The following ABI3BP variants were observed in gnomAD, a reference collection of about 807,000 sequenced individuals.
The protein encoded by ABI3BP is ABI family member 3 binding protein.
In ABI3BP, 216 loss-of-function variants were observed where a neutral mutation model predicts 268.6. The observed-to-expected ratio is 0.80, with a 90% CI of 0.72 to 0.90. The LOEUF is 0.90. Among genes scored for constraint, ABI3BP ranks in the 40% least tolerant of loss-of-function variants. The pLI is 0.00. For missense variants in ABI3BP, 2,090 were observed against 2,182.4 expected (o/e 0.96, Z 0.84); for synonymous variants, 730 against 730.0 (o/e 1.00, Z 0.00).
Position 100,821,167 on chromosome 3 carries a change from C to T in ABI3BP, c.2888-54G>A, listed in dbSNP as rs922115652. On this transcript the variant is annotated intron_variant, in intron 38 of 67. Transcript: ENST00000471714. The stretch of plus-strand genomic sequence containing the variant: ...TGATTATTTTAAATGAATGTAAACT[C>T]AAAACTTTTCTTCAAAAATGAGTCT... 5.5e-6 allele frequency: 8 copies of T among 1,448,418 alleles called. No individual in the cohort carries two copies. In the South Asian group the frequency reaches 7.3e-5, roughly 13 times the overall value. 89.7% of individuals were successfully genotyped at this position (1,448,418 alleles called of 1,614,324 possible).
chr3:100,782,554 G>A (rs1369604078), intron 57 of ABI3BP, among the ~76,000 whole-genome samples: 1 of 152,140 alleles, frequency 6.6e-6, no homozygotes, highest in Admixed American at 6.5e-5. Flanking sequence ...AAAGGCAGCT[G>A]TGTGGCTCGG....
intron 17 of ABI3BP, 32 bp from the exon 18 acceptor site, chr3:100,848,907 T>C (rs1329592812): frequency 6.3e-7 from 1 of 1,594,990 alleles, no homozygotes; most frequent in East Asian, 2.2e-5. Context: ...CTTTGATAAA[T>C]GATATTTTTC....
At chr3:100,870,612 G>A (rs1272521373) in intron 9 of ABI3BP, among the ~76,000 whole-genome samples, 1 of 152,108 alleles carries the variant, frequency 6.6e-6, no homozygotes, top group Non-Finnish European at 1.5e-5. Context: ...GTAAATTGGT[G>A]CAGCTATTAT....
intron 8 of ABI3BP, among the ~76,000 whole-genome samples, chr3:100,875,275 C>A (rs1177556353): frequency 6.6e-6 from 1 of 152,122 alleles, no homozygotes; most frequent in East Asian, 1.9e-4. Flanking sequence ...AGGACAGGTG[C>A]CATCATTCCC....
At chr3:100,923,113 C>T (rs1016220137) in intron 2 of ABI3BP, among the ~76,000 whole-genome samples, 1 of 152,078 alleles carries the variant, frequency 6.6e-6, no homozygotes, top group African/African-American at 2.4e-5. Flanking sequence ...ACATATTGAT[C>T]TACAATATGA....
chr3:100,756,324 AGACCAGCCT>A (rs2149369074), intron 63 of ABI3BP, among the ~76,000 whole-genome samples: 1 of 152,360 alleles, frequency 6.6e-6, no homozygotes, highest in Admixed American at 6.5e-5. Flanking sequence ...CCTGAGTTTG[AGACCAGCCT>A]GACCAACATG....
chr3:100,844,259 C>A, intron 20 of ABI3BP: 1 of 985,400 alleles, frequency 1.0e-6, no homozygotes, highest in African/African-American at 1.7e-5. Context: ...GAAACAAACA[C>A]CTGTAATTGG....
At chr3:100,831,341 C>T (rs956782661) in intron 31 of ABI3BP, among the ~76,000 whole-genome samples, 7 of 152,048 alleles carry the variant, frequency 4.6e-5, no homozygotes, top group Non-Finnish European at 8.8e-5. Context: ...ACTCCAGGAG[C>T]AGGGAATCAC....
chr3:100,835,680 T>C lies in ABI3BP; in HGVS notation c.2132-20A>G, dbSNP rs965692650. On this transcript the variant is annotated intron_variant, in intron 27 of 67. Coordinates refer to ENST00000471714, the MANE Select transcript of ABI3BP (RefSeq NM_001375547.2). The stretch of plus-strand genomic sequence containing the variant: ...TGGGAACTAACCAAAAGCAATACAA[T>C]AAACAATGGAGATTAAGAAATACAG... 6.6e-7 allele frequency: 1 copy of C among 1,517,324 alleles called. No individual in the cohort carries two copies. The highest frequency in any genetic ancestry group is 8.8e-7 in the Non-Finnish European group (1 of 1,132,946). 94.0% of individuals were successfully genotyped at this position (1,517,324 alleles called of 1,614,324 possible). A position where few individuals can be genotyped will look rare whatever the true frequency, so the allele number is the denominator to read the frequency against.
chr3:100,921,494 T>G (rs1355094492), intron 2 of ABI3BP, among the ~76,000 whole-genome samples: 4 of 150,918 alleles, frequency 2.7e-5, no homozygotes, highest in Non-Finnish European at 5.9e-5. Flanking sequence ...TAACCAGGAG[T>G]GAGAACATTC....
At chr3:100,806,574 C>A (rs1327098398) in intron 50 of ABI3BP, among the ~76,000 whole-genome samples, 1 of 152,058 alleles carries the variant, frequency 6.6e-6, no homozygotes, top group Non-Finnish European at 1.5e-5. Context: ...AAGTAGAATG[C>A]ATTTTGTTTT....
chr3:100,841,334 T>C (rs1050321432), intron 21 of ABI3BP, among the ~76,000 whole-genome samples: 2 of 151,328 alleles, frequency 1.3e-5, no homozygotes, highest in African/African-American at 4.9e-5. Context: ...TCTGCAAAAG[T>C]TAGAGTTTTG....
intron 45 of ABI3BP, 82 bp from the exon 46 acceptor site, chr3:100,812,605 T>G: frequency 1.1e-6 from 1 of 880,542 alleles, no homozygotes; most frequent in Non-Finnish European, 1.5e-6. Context: ...CAGTAAGTGT[T>G]CAATGTTAAC....
rs140264133 is a variant in ABI3BP at position 100,984,250 on chromosome 3, G to C, written c.79+9056C>G. On this transcript the variant is annotated intron_variant, in intron 1 of 67. Transcript: ENST00000471714. ...CTTTACTATTCTCATGTGCATCCAG[G>C]ATTAAATATATTGGGCTATAGCCTG... Among the ~76,000 whole-genome samples, 705 of 152,208 alleles carry C rather than the reference G, an allele frequency of 4.6e-3. 2 individuals are homozygous for C. Among genetic ancestry groups the C allele is most frequent in the African/African-American group, 0.016 (655 of 41,538 alleles).
intron 1 of ABI3BP, among the ~76,000 whole-genome samples, chr3:100,932,585 G>A (rs917877668): frequency 6.6e-6 from 1 of 152,008 alleles, no homozygotes; most frequent in Admixed American, 6.6e-5. Flanking sequence ...TGGCCAACAA[G>A]CACATGAAAA....
rs1194784405 is a variant in ABI3BP, at chr3:100,769,300, A to T, written c.4741+1443T>A. Among the ~76,000 whole-genome samples the T allele has an allele frequency of 2.0e-5, 3 of 152,346 alleles. No homozygotes were observed. In the East Asian group the frequency reaches 5.8e-4, roughly 29 times the overall value. ...GTGATCCTTGTCCACAAAAATTGTT[A>T]TAAGTCCTCTGTATCATGTGACAGA... On this transcript the variant is annotated intron_variant, in intron 62 of 67. Coordinates refer to ENST00000471714, the MANE Select transcript of ABI3BP (RefSeq NM_001375547.2).
chr3:100,862,417 A>AT (rs10567225), intron 13 of ABI3BP, 32 bp from the exon 14 acceptor site: 21,598 of 1,260,422 alleles, frequency 0.017, no homozygotes, highest in Non-Finnish European at 0.019. Context: ...TTTGCTGAAG[A>AT]TTTTTTTTTT....
rs112141221 is a variant in ABI3BP, at chr3:100,862,284, A to ATT, written c.1285+25_1285+26dup. The ATT allele has an allele frequency of 5.0e-5, 75 of 1,506,612 alleles. No individual in the cohort carries two copies. The Middle Eastern group carries it at 1.4e-3, about 28-fold the overall frequency. 93.3% of individuals were successfully genotyped at this position (1,506,612 alleles called of 1,614,324 possible). On this transcript the variant is annotated intron_variant, in intron 14 of 67. Transcript: ENST00000471714. ...TACTCAATATTCCTTGTTATAATCG[A>ATT]TTTTTTTAAGAAAAGGATTTAATTA...
chr3:100,991,637 GA>G (rs1187062613), intron 1 of ABI3BP, among the ~76,000 whole-genome samples: 1 of 151,852 alleles, frequency 6.6e-6, no homozygotes, highest in East Asian at 1.9e-4. Context: ...TTCCAATAAA[GA>G]AAAAACATAA....
Sources: gnomAD v4.1 joint callset for allele counts (sites outside exome capture counted in the v4.1 genomes callset) on GRCh38, gnomAD v4.1.1 for gene constraint, MANE v1.5 for transcripts, NCBI Gene and HGNC (gene_info 2026-07-23, HGNC 2026-07-21) for gene names.